PTER: variants seen among roughly 807,000 people sequenced by gnomAD.
PTER encodes the protein N-acetyltaurine hydrolase.
In PTER, 38 loss-of-function variants were observed where a neutral mutation model predicts 29.6. That is an observed-to-expected ratio of 1.28 (90% CI 0.99 to 1.68). PTER has a LOEUF of 1.68. Among genes scored for constraint, PTER ranks in the 40% most tolerant of loss-of-function variants. PTER has a pLI of 0.00. For missense variants in PTER, 482 were observed against 427.8 expected (o/e 1.13, Z -1.12); for synonymous variants, 172 against 154.5 (o/e 1.11, Z -0.84).
At chr10:16,501,192 A>C (rs1046153001) in intron 3 of PTER, among the ~76,000 whole-genome samples, 1 of 152,052 alleles carries the variant, frequency 6.6e-6, no homozygotes, top group Non-Finnish European at 1.5e-5. Flanking sequence ...CAGCCTCCCA[A>C]AGTGCTGGGA....
chr10:16,516,458 G>A (rs766585204), downstream of PTER, among the ~76,000 whole-genome samples: 6 of 151,772 alleles, frequency 4.0e-5, no homozygotes, highest in Non-Finnish European at 7.4e-5. Context: ...ATTTTTAATG[G>A]TGAAAAAAAT....
chr10:16,483,859 A>G (rs990055772), intron 1 of PTER, among the ~76,000 whole-genome samples: 1 of 152,096 alleles, frequency 6.6e-6, no homozygotes, highest in Non-Finnish European at 1.5e-5. Context: ...CTCAAAAAGA[A>G]AAAAAAGGAG....
intron 3 of PTER, among the ~76,000 whole-genome samples, chr10:16,490,241 A>G (rs1328457090): frequency 6.6e-6 from 1 of 152,168 alleles, no homozygotes; most frequent in Non-Finnish European, 1.5e-5. Flanking sequence ...GGAAAACGGA[A>G]TGTTTCTCTT....
intron 1 of PTER, among the ~76,000 whole-genome samples, chr10:16,461,695 G>A (rs917905507): frequency 1.3e-5 from 2 of 152,002 alleles, no homozygotes; most frequent in African/African-American, 2.4e-5. Context: ...TAATAAAGGC[G>A]ACCTCTAGAG....
Position 16,484,638 on chromosome 10 carries a change from T to A in PTER, c.254T>A (p.Leu85Ter). 1.9e-6 allele frequency: 3 copies of A among 1,614,186 alleles called. No individual in the cohort carries two copies. Among genetic ancestry groups the A allele is most frequent in the Non-Finnish European group, 2.5e-6 (3 of 1,180,028 alleles). The change falls in exon 2 of 5, where the codon TTG becomes TAG. Residue 85 changes from leucine to a stop codon, truncating the protein, a stop_gained. Transcript: ENST00000535784. LOFTEE classifies it high-confidence loss of function. ...ACAGAAGCCATAAAGGAAGAACTGT[T>A]GTATTTTAAAGCTAATGGTGGAGGG... is the stretch of plus-strand genomic sequence containing the variant. ...QETEAIKEEL[L>*]YFKANGGGAL...
intron 4 of PTER, among the ~76,000 whole-genome samples, chr10:16,510,442 C>G (rs910118910): frequency 1.3e-5 from 2 of 152,182 alleles, no homozygotes. Flanking sequence ...TCAAAATTGC[C>G]ATAGACTTCA....
chr10:16,450,756 C>T (rs146948062), intron 1 of PTER, among the ~76,000 whole-genome samples: 1 of 152,296 alleles, frequency 6.6e-6, no homozygotes, highest in African/African-American at 2.4e-5. Flanking sequence ...GCTTTCATTA[C>T]CTTGTCCAGC....
chr10:16,479,897 T>C (rs1323812836), intron 1 of PTER, among the ~76,000 whole-genome samples: 1 of 151,758 alleles, frequency 6.6e-6, no homozygotes, highest in African/African-American at 2.4e-5. Flanking sequence ...AACCCTGAGA[T>C]GCCTTCCCGT....
At chr10:16,478,278 C>A (rs190895994) in intron 1 of PTER, among the ~76,000 whole-genome samples, 38 of 151,560 alleles carry the variant, frequency 2.5e-4, no homozygotes, top group African/African-American at 7.8e-4. Flanking sequence ...TGTTGCACTT[C>A]GATCTGGGTT....
chr10:16,510,179 C>G (rs1272158806), intron 4 of PTER, among the ~76,000 whole-genome samples: 1 of 152,292 alleles, frequency 6.6e-6, no homozygotes, highest in East Asian at 1.9e-4. Flanking sequence ...ATGGAAGTCA[C>G]GACAGACACT....
chr10:16,496,821 T>C (rs1836122817), intron 3 of PTER, among the ~76,000 whole-genome samples: 1 of 152,196 alleles, frequency 6.6e-6, no homozygotes. Context: ...GATAGATGGA[T>C]GGATAGATGG....
intron 1 of PTER, among the ~76,000 whole-genome samples, chr10:16,454,991 A>T (rs886842756): frequency 6.6e-6 from 1 of 151,850 alleles, no homozygotes; most frequent in Non-Finnish European, 1.5e-5. Flanking sequence ...CACTTTGAGG[A>T]GCTGAGGAAG....
intron 1 of PTER, among the ~76,000 whole-genome samples, chr10:16,471,716 ATT>A (rs1835062864): frequency 6.6e-6 from 1 of 152,192 alleles, no homozygotes; most frequent in African/African-American, 2.4e-5. Flanking sequence ...GTCATTAAAT[ATT>A]CTTTGCAAAT....
At chr10:16,469,614 GTTGT>G (rs958069213) in intron 1 of PTER, among the ~76,000 whole-genome samples, 25 of 152,172 alleles carry the variant, frequency 1.6e-4, no homozygotes, top group African/African-American at 3.6e-4. Context: ...AGTTCATTCT[GTTGT>G]TTGTTTGTTT....
At chr10:16,456,656 G>A (rs1436980756) in intron 1 of PTER, among the ~76,000 whole-genome samples, 4 of 152,146 alleles carry the variant, frequency 2.6e-5, no homozygotes, top group Non-Finnish European at 5.9e-5. Flanking sequence ...AGCAGTAGAG[G>A]TACCCGCAGG....
At chr10:16,514,576 G>A, downstream of PTER, 1 of 1,613,838 alleles carries the variant, frequency 6.2e-7, no homozygotes. Context: ...ATTTGTTGTT[G>A]TTTCCTCCAT....
At chr10:16,492,922 T>G (rs1190439767) in intron 3 of PTER, among the ~76,000 whole-genome samples, 1 of 152,236 alleles carries the variant, frequency 6.6e-6, no homozygotes, top group Non-Finnish European at 1.5e-5. Context: ...CCTTTGCCTC[T>G]GATCATTCGT....
chr10:16,472,427 T>G (rs1187561548), intron 1 of PTER, among the ~76,000 whole-genome samples: 1 of 152,140 alleles, frequency 6.6e-6, no homozygotes, highest in African/African-American at 2.4e-5. Context: ...CATACTGTTC[T>G]CCTGGTAATG....
At chr10:16,464,738 G>C (rs1834746011) in intron 1 of PTER, among the ~76,000 whole-genome samples, 1 of 152,166 alleles carries the variant, frequency 6.6e-6, no homozygotes, top group South Asian at 2.1e-4. Flanking sequence ...CATTCCTCCA[G>C]TATCAGTGAA....
Sources: gnomAD v4.1 joint callset for allele counts (sites outside exome capture counted in the v4.1 genomes callset) on GRCh38, gnomAD v4.1.1 for gene constraint, MANE v1.5 for transcripts, NCBI Gene and HGNC (gene_info 2026-07-23, HGNC 2026-07-21) for gene names.